The following TMEM132B variants were observed in gnomAD, a reference collection of about 807,000 sequenced individuals.
The protein encoded by TMEM132B is transmembrane protein 132B.
In TMEM132B, 18 loss-of-function variants were observed where a neutral mutation model predicts 90.8. The observed-to-expected ratio is 0.20, with a 90% confidence interval of 0.14 to 0.29. The LOEUF (loss-of-function observed/expected upper bound fraction) is 0.29. Ranked by LOEUF, TMEM132B falls within the 10% of genes least tolerant of loss-of-function variation. The pLI is 1.00. For synonymous variants in TMEM132B, 504 were observed against 523.3 expected, an observed-to-expected ratio of 0.96 and a Z score of 0.50; for missense variants, 1,096 against 1,326.8, an observed-to-expected ratio of 0.83 and a Z score of 2.70.
chr12:125,511,851 CAAAAAAAAA>C (rs35364069), intron 3 of TMEM132B, among the ~76,000 whole-genome samples: 1 of 111,168 alleles, frequency 9.0e-6, no homozygotes, highest in African/African-American at 3.4e-5. Flanking sequence ...GACTCTATCT[CAAAAAAAAA>C]AAAAAAAAGA....
Position 125,432,397 on chromosome 12 carries a change from A to ATATATATATGTATG in TMEM132B, c.1106+16721_1106+16722insATATATATGTATGT, listed in dbSNP as rs768917407. On this transcript the variant is annotated intron_variant, in intron 3 of 8. Coordinates refer to ENST00000682704, the MANE Select transcript of TMEM132B (RefSeq NM_001366854.1). ...TATATATATATATATATATATATAT[A>ATATATATATGTATG]TGTATGTATGTGTATATATATATAT... is the stretch of plus-strand genomic sequence containing the variant. 5.1e-4 allele frequency among the ~76,000 whole-genome samples: 35 copies of ATATATATATGTATG among 68,314 alleles called. 8 individuals carry two copies. Among genetic ancestry groups the ATATATATATGTATG allele is most frequent in the African/African-American group, 6.5e-4 (10 of 15,432 alleles). 44.8% of individuals were successfully genotyped at this position (68,314 alleles called of 152,430 possible). A position where few individuals can be genotyped will look rare whatever the true frequency, so the allele number is the denominator to read the frequency against.
At chr12:125,200,256 A>C (rs75120326) in intron 1 of TMEM132B, among the ~76,000 whole-genome samples, 5,375 of 152,244 alleles carry the variant, frequency 0.035, 111 homozygotes, top group African/African-American at 0.052. Context: ...AATATATAAA[A>C]ATGGTTTTAG....
At chr12:125,525,478 C>T (rs1023016508) in intron 4 of TMEM132B, among the ~76,000 whole-genome samples, 2 of 152,210 alleles carry the variant, frequency 1.3e-5, no homozygotes, top group Non-Finnish European at 2.9e-5. Context: ...CATGGTGTTT[C>T]GTCCTCCCTG....
chr12:125,559,356 C>T (rs1884465675), intron 4 of TMEM132B, among the ~76,000 whole-genome samples: 2 of 152,152 alleles, frequency 1.3e-5, no homozygotes, highest in Admixed American at 1.3e-4. Flanking sequence ...CAGAGTGAGA[C>T]CTCGTCTTCC....
At chr12:125,236,201 A>G (rs1230195072) in intron 1 of TMEM132B, among the ~76,000 whole-genome samples, 1 of 151,816 alleles carries the variant, frequency 6.6e-6, no homozygotes, top group African/African-American at 2.4e-5. Flanking sequence ...GGTGGAGTGC[A>G]GTGGTGTGAT....
intron 4 of TMEM132B, among the ~76,000 whole-genome samples, chr12:125,544,626 A>G (rs377162096): frequency 2.6e-4 from 40 of 152,324 alleles, no homozygotes; most frequent in Admixed American, 9.8e-4. Flanking sequence ...TAAGCTCCCA[A>G]TTCTCTGTAT....
At chr12:125,411,869 A>T (rs1457572782) in intron 2 of TMEM132B, among the ~76,000 whole-genome samples, 1 of 152,166 alleles carries the variant, frequency 6.6e-6, no homozygotes, top group Non-Finnish European at 1.5e-5. Flanking sequence ...GGTGCTGGGA[A>T]GGCTGTGCTG....
rs527413979 is a variant in TMEM132B at position 125,514,719 on chromosome 12, T to G, written c.1107-4720T>G. On this transcript the variant is annotated intron_variant, in intron 3 of 8. Transcript: ENST00000682704. ...GAACTTGCCCACTCTTCTTCATTTC[T>G]TCCTCCCTCCCACCTTTCTGATCCC... Among the ~76,000 whole-genome samples the G allele has an allele frequency of 7.0e-4, 107 of 152,222 alleles. 1 individual carries two copies. Among genetic ancestry groups the G allele is most frequent in the Non-Finnish European group, 1.2e-3 (83 of 68,040 alleles).
rs552238170 is a variant in TMEM132B, at chr12:125,192,707, G to T, written c.67+5841G>T. On this transcript the variant is annotated intron_variant, in intron 1 of 8. Coordinates refer to ENST00000682704, the MANE Select transcript of TMEM132B (RefSeq NM_001366854.1). ...AGCCCCGGCCTGCTTCGGCAGGAGG[G>T]ACTTGGCGTTTGTGGAAACAGCAGA... 3.2e-4 allele frequency among the ~76,000 whole-genome samples: 48 copies of T among 152,320 alleles called. No individual in the cohort carries two copies. The South Asian group carries it at 9.5e-3, about 30-fold the overall frequency.
intron 5 of TMEM132B, among the ~76,000 whole-genome samples, chr12:125,600,130 AT>A (rs1320464410): frequency 1.3e-5 from 2 of 152,162 alleles, no homozygotes; most frequent in Non-Finnish European, 2.9e-5. Flanking sequence ...AATAAATGTG[AT>A]TTTGGCAACA....
chr12:125,234,621 A>G (rs1873892554), intron 1 of TMEM132B, among the ~76,000 whole-genome samples: 1 of 152,156 alleles, frequency 6.6e-6, no homozygotes, highest in Non-Finnish European at 1.5e-5. Flanking sequence ...ATTTTCAGCA[A>G]GCAGTACAGG....
chr12:125,501,098 T>C (rs138045395), intron 3 of TMEM132B, among the ~76,000 whole-genome samples: 1 of 152,320 alleles, frequency 6.6e-6, no homozygotes, highest in African/African-American at 2.4e-5. Flanking sequence ...GGTTGAGAAA[T>C]CCTTCAACTT....
intron 5 of TMEM132B, among the ~76,000 whole-genome samples, chr12:125,607,268 T>C (rs1885720496): frequency 1.3e-5 from 2 of 152,234 alleles, no homozygotes; most frequent in Non-Finnish European, 1.5e-5. Context: ...CATAGTTTAA[T>C]TGAGCAAAGA....
intron 4 of TMEM132B, among the ~76,000 whole-genome samples, chr12:125,522,528 C>T (rs1169604377): frequency 6.6e-6 from 1 of 152,212 alleles, no homozygotes; most frequent in Non-Finnish European, 1.5e-5. Context: ...GTTATGGTCA[C>T]AGCTTACTGA....
intron 1 of TMEM132B, among the ~76,000 whole-genome samples, chr12:125,197,801 A>G (rs1488915334): frequency 1.3e-5 from 2 of 152,254 alleles, no homozygotes; most frequent in Non-Finnish European, 2.9e-5. Flanking sequence ...GCTCCTCGGT[A>G]TGAGAATTGT....
chr12:125,564,025 G>T (rs1361702617), intron 4 of TMEM132B, among the ~76,000 whole-genome samples: 1 of 152,156 alleles, frequency 6.6e-6, no homozygotes, highest in Non-Finnish European at 1.5e-5. Context: ...GCAGTAATTT[G>T]TTAAGGCGTC....
chr12:125,221,674 G>A (rs1403348812), intron 1 of TMEM132B, among the ~76,000 whole-genome samples: 1 of 152,216 alleles, frequency 6.6e-6, no homozygotes. Flanking sequence ...AAATGGCCTT[G>A]GAGATAACTG....
chr12:125,619,724 C>CTA (rs1321527001), intron 5 of TMEM132B, among the ~76,000 whole-genome samples: 2 of 152,170 alleles, frequency 1.3e-5, no homozygotes, highest in Non-Finnish European at 2.9e-5. Context: ...ATAGTCTATT[C>CTA]TGAAGAGCCT....
chr12:125,644,513 G>C (rs1886711974), intron 6 of TMEM132B, among the ~76,000 whole-genome samples: 1 of 152,158 alleles, frequency 6.6e-6, no homozygotes, highest in South Asian at 2.1e-4. Context: ...TCATAGAATA[G>C]TTGCTAGGAT....
Sources: allele counts gnomAD v4.1 joint callset (sites outside exome capture counted in the v4.1 genomes callset), GRCh38; gene constraint gnomAD v4.1.1; transcripts MANE v1.5; gene names NCBI Gene and HGNC (gene_info 2026-07-23, HGNC 2026-07-21).